ZCCHC17: variants seen among roughly 807,000 people sequenced by gnomAD.
ZCCHC17 encodes zinc finger CCHC-type containing 17.
A neutral mutation model predicts 30.6 loss-of-function variants in ZCCHC17; 18 were observed. The observed-to-expected ratio is 0.59, with a 90% CI of 0.41 to 0.87. The LOEUF (loss-of-function observed/expected upper bound fraction) is 0.87, where lower values mean the gene tolerates loss of function less well. Among genes scored for constraint, ZCCHC17 ranks in the 40% least tolerant of loss-of-function variants. The pLI is 0.00. For synonymous variants in ZCCHC17, 88 were observed against 92.4 expected, an observed-to-expected ratio of 0.95 and a Z score of 0.27; for missense variants, 263 against 284.2, an observed-to-expected ratio of 0.93 and a Z score of 0.54.
chr1:31,322,555 C>T (rs995226267), intron 3 of ZCCHC17, among the ~76,000 whole-genome samples: 2 of 152,012 alleles, frequency 1.3e-5, no homozygotes, highest in Non-Finnish European at 2.9e-5. Flanking sequence ...GGTGTGTCAC[C>T]CTCTTGGCAC....
At chr1:31,306,433 C>T (rs369587495) in intron 1 of ZCCHC17, among the ~76,000 whole-genome samples, 15 of 152,252 alleles carry the variant, frequency 9.9e-5, no homozygotes, top group Admixed American at 2.0e-4. Flanking sequence ...AGCATGGATA[C>T]GCTGGACAAA....
chr1:31,348,629 T>C (rs1639359020), intron 6 of ZCCHC17, among the ~76,000 whole-genome samples, 200 bp from the exon 7 acceptor site: 1 of 152,218 alleles, frequency 6.6e-6, no homozygotes, highest in Non-Finnish European at 1.5e-5. Flanking sequence ...TGAGACCAGC[T>C]GCTAGTCTGG....
chr1:31,310,958 T>G (rs534915265), intron 2 of ZCCHC17, among the ~76,000 whole-genome samples: 1 of 152,344 alleles, frequency 6.6e-6, no homozygotes, highest in Admixed American at 6.5e-5. Context: ...TTTATCCCCT[T>G]GGCACCCTAT....
intron 2 of ZCCHC17, among the ~76,000 whole-genome samples, chr1:31,316,587 C>T (rs1179761738): frequency 2.6e-5 from 4 of 152,094 alleles, no homozygotes; most frequent in Non-Finnish European, 5.9e-5. Context: ...ATTATGTGGC[C>T]CTCTTTTACA....
chr1:31,346,064 C>T (rs1435003711), intron 5 of ZCCHC17, among the ~76,000 whole-genome samples: 1 of 152,060 alleles, frequency 6.6e-6, no homozygotes, highest in African/African-American at 2.4e-5. Context: ...GAGGAAAAGA[C>T]TTGATAGAAG....
chr1:31,301,956 G>A (rs774422518), intron 1 of ZCCHC17, among the ~76,000 whole-genome samples: 6 of 152,232 alleles, frequency 3.9e-5, no homozygotes, highest in Non-Finnish European at 7.4e-5. Flanking sequence ...GGCCGGGTGC[G>A]GTGGTTCACA....
At chr1:31,297,195 C>T in intron 1 of ZCCHC17, 120 bp downstream of exon 1, 1 of 400,890 alleles carries the variant, frequency 2.5e-6, no homozygotes, top group Non-Finnish European at 4.4e-6. Flanking sequence ...GGGAGGCGGG[C>T]CCCGAGTCCC....
At chr1:31,349,811 A>G (rs1639405941) in intron 7 of ZCCHC17, among the ~76,000 whole-genome samples, 1 of 152,122 alleles carries the variant, frequency 6.6e-6, no homozygotes, top group Admixed American at 6.5e-5. Context: ...ATTCTACCCT[A>G]TGGCTGTATG....
At chr1:31,313,871 C>G (rs77915830) in intron 2 of ZCCHC17, among the ~76,000 whole-genome samples, 2 of 146,414 alleles carry the variant, frequency 1.4e-5, no homozygotes, top group Non-Finnish European at 3.0e-5. Context: ...TCTTCTTTCT[C>G]TTTTTTTTTT....
At chr1:31,353,963 A>G (rs547009866) in intron 7 of ZCCHC17, among the ~76,000 whole-genome samples, 2 of 152,318 alleles carry the variant, frequency 1.3e-5, no homozygotes, top group South Asian at 4.1e-4. Flanking sequence ...AAGATTTCAT[A>G]TGAATTTTAA....
intron 2 of ZCCHC17, 26 bp downstream of exon 2, chr1:31,310,190 C>T: frequency 1.2e-6 from 2 of 1,610,974 alleles, no homozygotes; most frequent in Non-Finnish European, 1.7e-6. Flanking sequence ...CTTTGAAAAC[C>T]CACCATTTAT....
At chr1:31,305,924 A>T (rs1646444229) in intron 1 of ZCCHC17, among the ~76,000 whole-genome samples, 1 of 152,122 alleles carries the variant, frequency 6.6e-6, no homozygotes, top group African/African-American at 2.4e-5. Context: ...TTCATGGGGG[A>T]TACATTCCAA....
intron 5 of ZCCHC17, among the ~76,000 whole-genome samples, chr1:31,344,519 T>C (rs1557451333): frequency 6.6e-6 from 1 of 152,068 alleles, no homozygotes; most frequent in Non-Finnish European, 1.5e-5. Context: ...CTGGGATGGA[T>C]TGGAGGAAGA....
chr1:31,345,286 T>A (rs6425743), intron 5 of ZCCHC17, among the ~76,000 whole-genome samples: 149,347 of 151,378 alleles, frequency 0.99, 73,705 homozygotes, highest in Middle Eastern at 1. Context: ...CCTCCCAAGT[T>A]GCTGGGACTA....
At position 31,346,142 on chromosome 1, in the gene ZCCHC17, T is replaced by TG. The variant is rs928037466; in HGVS notation, c.318-494dup. Among the ~76,000 whole-genome samples, 31 of 152,038 alleles carry TG rather than the reference T, an allele frequency of 2.0e-4. 1 individual carries two copies. The highest frequency in any genetic ancestry group is 1.7e-3 in the Admixed American group (26 of 15,262). On this transcript the variant is annotated intron_variant, in intron 5 of 7. Coordinates refer to ENST00000344147, the MANE Select transcript of ZCCHC17 (RefSeq NM_016505.4). ...GTGAAGTGGTGAGGTGAGAGTCAAGTGGGGAAACAGAGCATTTCAGAGAGG... is the reference window on the plus strand; with the variant it reads ...GTGAAGTGGTGAGGTGAGAGTCAAGTGGGGGAAACAGAGCATTTCAGAGAGG...
chr1:31,302,217 G>A (rs932995550), intron 1 of ZCCHC17, among the ~76,000 whole-genome samples: 1 of 152,032 alleles, frequency 6.6e-6, no homozygotes, highest in African/African-American at 2.4e-5. Context: ...AACAGAGCGA[G>A]ACTCCATCTT....
rs367935129 is a variant in ZCCHC17, at chr1:31,355,764, C to T, written c.564+6790C>T. On this transcript the variant is annotated intron_variant, in intron 7 of 7. Transcript: ENST00000344147. The stretch of plus-strand genomic sequence containing the variant: ...GGGTTTTTGTTTTGTTCCCAGCTAC[C>T]GTTAGCCATCATGTGATGTTATCTA... Among the ~76,000 whole-genome samples, 53 of 152,244 alleles carry T rather than the reference C, an allele frequency of 3.5e-4. No individual in the cohort carries two copies. The East Asian group carries it at 5.0e-3, about 14-fold the overall frequency.
chr1:31,340,304 G>T (rs1638994142), intron 5 of ZCCHC17, among the ~76,000 whole-genome samples: 1 of 138,376 alleles, frequency 7.2e-6, no homozygotes, highest in South Asian at 2.2e-4. Context: ...CTTAAAGGGG[G>T]ATCTTGGAGG....
intron 1 of ZCCHC17, among the ~76,000 whole-genome samples, chr1:31,298,390 T>G (rs1279254291): frequency 1.5e-4 from 22 of 151,156 alleles, no homozygotes; most frequent in Middle Eastern, 3.2e-3. Flanking sequence ...TTTTTTTGTT[T>G]TTTTTTTTTT....
Sources: allele counts gnomAD v4.1 joint callset (sites outside exome capture counted in the v4.1 genomes callset), GRCh38; gene constraint gnomAD v4.1.1; transcripts MANE v1.5; gene names NCBI Gene and HGNC (gene_info 2026-07-23, HGNC 2026-07-21).